The following TLK1 variants were observed in gnomAD, a reference collection of about 807,000 sequenced individuals.
The protein encoded by TLK1 is serine/threonine-protein kinase tousled-like 1.
In TLK1, 24 loss-of-function variants were observed where a neutral mutation model predicts 105.3. The observed-to-expected ratio is 0.23, with a 90% CI of 0.17 to 0.32. The LOEUF is 0.32. TLK1 is among the 10% of genes least tolerant of loss of function. The pLI is 1.00. For synonymous variants in TLK1, 321 were observed against 310.4 expected (o/e 1.03, Z -0.36); for missense variants, 558 against 910.5 (o/e 0.61, Z 4.98).
At chr2:171,036,395 C>A (rs768743869) in intron 11 of TLK1, among the ~76,000 whole-genome samples, 5 of 151,804 alleles carry the variant, frequency 3.3e-5, no homozygotes, top group African/African-American at 4.8e-5. Flanking sequence ...TCTCCCCCCC[C>A]AAAAAAAGCA....
chr2:171,206,172 C>T (rs1693502755), intron 1 of TLK1, among the ~76,000 whole-genome samples: 1 of 152,130 alleles, frequency 6.6e-6, no homozygotes, highest in Non-Finnish European at 1.5e-5. Context: ...TAACTGATTC[C>T]TCAACTATGT....
intron 11 of TLK1, among the ~76,000 whole-genome samples, chr2:171,035,202 C>T (rs952022292): frequency 4.6e-5 from 7 of 151,988 alleles, no homozygotes; most frequent in Admixed American, 3.3e-4. Context: ...ATTAGCCAGG[C>T]GTGGTGGCAG....
rs1692421256 is a variant in TLK1, at chr2:171,160,233, G to A, written c.139+57C>T. On this transcript the variant is annotated intron_variant, in intron 1 of 20. Coordinates refer to ENST00000431350, the MANE Select transcript of TLK1 (RefSeq NM_012290.5). The surrounding 1 kb of genome is among the most constrained non-coding windows in gnomAD (Gnocchi z 4.4). ...CGGGGGGGGCGGGGGGGGGGCGCGG[G>A]GGTCCGCGGCGCGGGAGAGGAGGCC... 8 of 1,317,672 alleles carry A rather than the reference G, an allele frequency of 6.1e-6. No homozygotes were observed. Among genetic ancestry groups the A allele is most frequent in the African/African-American group, 1.6e-5 (1 of 64,124 alleles). The allele number at this position is 1,317,672 out of a possible 1,614,324, so 81.6% of individuals were successfully genotyped here. A position where few individuals can be genotyped will look rare whatever the true frequency, so the allele number is the denominator to read the frequency against.
chr2:171,178,200 GTTC>G (rs2105306397), intron 1 of TLK1, among the ~76,000 whole-genome samples: 1 of 152,246 alleles, frequency 6.6e-6, no homozygotes, highest in East Asian at 1.9e-4. Context: ...AGATAATATT[GTTC>G]TTCTCATTTT....
chr2:171,220,989 C>T (rs1259997126), intron 1 of TLK1, among the ~76,000 whole-genome samples: 1 of 151,924 alleles, frequency 6.6e-6, no homozygotes, highest in Non-Finnish European at 1.5e-5. Context: ...AGTTTGAGAC[C>T]AGGTTGGGCA....
At chr2:171,110,734 G>A (rs1690125697) in intron 2 of TLK1, among the ~76,000 whole-genome samples, 2 of 152,092 alleles carry the variant, frequency 1.3e-5, no homozygotes, top group Non-Finnish European at 2.9e-5. Context: ...GACTACAAAG[G>A]GGTATGGGAA....
chr2:171,113,272 CTTT>C (rs767944584), intron 2 of TLK1, among the ~76,000 whole-genome samples: 7 of 141,562 alleles, frequency 4.9e-5, no homozygotes, highest in Admixed American at 7.1e-5. Flanking sequence ...CATACATATC[CTTT>C]TTTTTTTTTT....
chr2:171,210,085 CT>C (rs1693585150), intron 1 of TLK1, among the ~76,000 whole-genome samples: 4 of 152,020 alleles, frequency 2.6e-5, no homozygotes, highest in Admixed American at 2.6e-4. Flanking sequence ...TTACATTTTC[CT>C]TATGTTAAAA....
Position 171,160,221 on chromosome 2 carries a change from G to A in TLK1, c.139+69C>T, listed in dbSNP as rs1692418431. On this transcript the variant is annotated intron_variant, in intron 1 of 20. Coordinates refer to ENST00000431350, the MANE Select transcript of TLK1 (RefSeq NM_012290.5). The surrounding 1 kb of genome is among the most constrained non-coding windows in gnomAD (Gnocchi z 4.4). ...GAAGCCCCGGGGCGGGGGGGGCGGG[G>A]GGGGGGCGCGGGGGTCCGCGGCGCG... 3.1e-6 allele frequency: 4 copies of A among 1,274,780 alleles called. No homozygotes were observed. The highest frequency in any genetic ancestry group is 2.6e-5 in the South Asian group (1 of 38,704). The allele number at this position is 1,274,780 out of a possible 1,614,324, so 79.0% of individuals were successfully genotyped here. A position where few individuals can be genotyped will look rare whatever the true frequency, so the allele number is the denominator to read the frequency against.
chr2:171,213,338 G>A (rs1032978192), intron 1 of TLK1, among the ~76,000 whole-genome samples: 3 of 151,502 alleles, frequency 2.0e-5, no homozygotes, highest in African/African-American at 4.9e-5. Context: ...AGGTAGCTGG[G>A]ACTACAGGCA....
chr2:171,094,340 A>G (rs1383530809), intron 2 of TLK1, among the ~76,000 whole-genome samples: 2 of 152,122 alleles, frequency 1.3e-5, no homozygotes, highest in South Asian at 2.1e-4. Context: ...TACAAAGGAC[A>G]TATCTAGGGG....
upstream of TLK1, among the ~76,000 whole-genome samples, chr2:171,164,763 A>T (rs75533467): frequency 0.034 from 5,206 of 152,310 alleles, 295 homozygotes; most frequent in African/African-American, 0.12. Context: ...TTAAATGGCA[A>T]GGAGAAGCTC....
intron 11 of TLK1, among the ~76,000 whole-genome samples, chr2:171,030,323 T>G (rs200898417): frequency 7.0e-6 from 1 of 142,974 alleles, no homozygotes; most frequent in African/African-American, 2.5e-5. Flanking sequence ...CCAAAAAAAT[T>G]AACATGTTAA....
chr2:171,029,283 A>C (rs990256230), intron 11 of TLK1, among the ~76,000 whole-genome samples: 1 of 152,166 alleles, frequency 6.6e-6, no homozygotes, highest in Non-Finnish European at 1.5e-5. Context: ...TCCCTGCTTC[A>C]GTGTGTTGGG....
intron 20 of TLK1, among the ~76,000 whole-genome samples, chr2:170,996,014 T>C (rs1684041494): frequency 6.6e-6 from 1 of 151,924 alleles, no homozygotes; most frequent in Non-Finnish European, 1.5e-5. Context: ...TTTGGTTTTT[T>C]TGAGACAGGG....
intron 18 of TLK1, among the ~76,000 whole-genome samples, chr2:171,004,314 T>C (rs929045400): frequency 4.6e-5 from 7 of 152,008 alleles, no homozygotes; most frequent in African/African-American, 1.7e-4. Flanking sequence ...ATTTTTCAAA[T>C]TGTTGCAAAT....
chr2:171,015,835 T>C (rs1474313608), intron 12 of TLK1, among the ~76,000 whole-genome samples: 1 of 151,886 alleles, frequency 6.6e-6, no homozygotes, highest in East Asian at 1.9e-4. Context: ...ACTTTGGACT[T>C]TGGGAGGCTG....
chr2:171,003,818 A>C (rs1002837683), intron 18 of TLK1, among the ~76,000 whole-genome samples: 1 of 152,364 alleles, frequency 6.6e-6, no homozygotes, highest in South Asian at 2.1e-4. Context: ...CACCAGGTAC[A>C]GTCTGTGTTT....
chr2:171,114,399 G>A (rs979303712), intron 2 of TLK1, among the ~76,000 whole-genome samples: 4 of 152,192 alleles, frequency 2.6e-5, no homozygotes, highest in Non-Finnish European at 5.9e-5. Context: ...CTAATCACAT[G>A]AGTACATAAA....
Sources: gnomAD v4.1 joint callset for allele counts (sites outside exome capture counted in the v4.1 genomes callset) on GRCh38, gnomAD v4.1.1 for gene constraint, Gnocchi (gnomAD v3.1) non-coding constraint, MANE v1.5 for transcripts, NCBI Gene and HGNC (gene_info 2026-07-23, HGNC 2026-07-21) for gene names.